The following C4orf36 variants were observed in gnomAD, a reference collection of about 807,000 sequenced individuals.
The protein encoded by C4orf36 is uncharacterized protein C4orf36.
In C4orf36, 11 loss-of-function variants were observed where a neutral mutation model predicts 12.2. The observed-to-expected ratio is 0.90, with a 90% confidence interval of 0.57 to 1.49. The LOEUF (loss-of-function observed/expected upper bound fraction) is 1.49, where lower values mean the gene tolerates loss of function less well. Among genes scored for constraint, C4orf36 ranks in the 40% most tolerant of loss-of-function variants. The pLI is 0.00. For synonymous variants in C4orf36, 54 were observed against 51.3 expected (o/e 1.05, Z -0.22); for missense variants, 137 against 133.9 (o/e 1.02, Z -0.11).
At chr4:86,884,622 G>A (rs1042932417) in intron 4 of C4orf36, among the ~76,000 whole-genome samples, 2 of 151,890 alleles carry the variant, frequency 1.3e-5, no homozygotes, top group African/African-American at 4.8e-5. Context: ...TTTTTTTTAG[G>A]AGAACAAAAA....
intron 2 of C4orf36, 134 bp downstream of exon 2, chr4:86,891,318 ATCCC>A: frequency 1.6e-6 from 1 of 607,876 alleles, no homozygotes; most frequent in Non-Finnish European, 2.6e-6. Context: ...AAAAAATCAG[ATCCC>A]AGACACCTCA....
At chr4:86,918,731 T>G in the C4orf36 span, among the ~76,000 whole-genome samples, 1 of 152,166 alleles carries the variant, frequency 6.6e-6, no homozygotes, top group Admixed American at 6.6e-5. Flanking sequence ...GGGGATTTCC[T>G]GGGACATCTC....
chr4:86,924,607 T>C, the C4orf36 span: 1 of 152,474 alleles, frequency 6.6e-6, no homozygotes, highest in African/African-American at 2.4e-5. Flanking sequence ...CTTCCCAAAG[T>C]GCTGGCATTA....
chr4:86,913,713 G>C, the C4orf36 span: 2 of 1,600,466 alleles, frequency 1.2e-6, no homozygotes, highest in Admixed American at 3.3e-5. Flanking sequence ...CCCACTGGCA[G>C]AGAAGCTGAC....
chr4:86,887,144 A>T (rs1393138359), intron 4 of C4orf36: 1 of 152,196 alleles, frequency 6.6e-6, no homozygotes, highest in Non-Finnish European at 1.5e-5. Flanking sequence ...GGATAGCATT[A>T]GGAGATATAC....
At chr4:86,899,605 C>T in the C4orf36 span, among the ~76,000 whole-genome samples, 1 of 152,164 alleles carries the variant, frequency 6.6e-6, no homozygotes, top group South Asian at 2.1e-4. Context: ...GGACAGATTG[C>T]TGAAGTCCAG....
rs1279033984 is a variant in C4orf36 at position 86,876,300 on chromosome 4, G to A, written c.*146C>T. On this transcript the variant is annotated 3_prime_UTR_variant, in exon 5 of 5. Coordinates refer to ENST00000295898, the MANE Select transcript of C4orf36 (RefSeq NM_144645.4). The stretch of plus-strand genomic sequence containing the variant: ...GATTTTCTCGGTCTCTGGGCGGGCC[G>A]TGGGAGGCTTCCTGAGGTGGGGGCC... 2 of 1,301,576 alleles carry A rather than the reference G, an allele frequency of 1.5e-6. No individual in the cohort carries two copies. Among genetic ancestry groups the A allele is most frequent in the African/African-American group, 1.5e-5 (1 of 66,984 alleles). 80.6% of individuals were successfully genotyped at this position (1,301,576 alleles called of 1,614,324 possible). A position where few individuals can be genotyped will look rare whatever the true frequency, so the allele number is the denominator to read the frequency against.
chr4:86,919,730 TTTC>T, the C4orf36 span, among the ~76,000 whole-genome samples: 1 of 152,164 alleles, frequency 6.6e-6, no homozygotes, highest in Non-Finnish European at 1.5e-5. Context: ...TAAAAATATT[TTTC>T]TTAGAAATTT....
At chr4:86,892,982 T>G (rs1313281607), upstream of C4orf36, among the ~76,000 whole-genome samples, 2 of 152,194 alleles carry the variant, frequency 1.3e-5, no homozygotes, top group African/African-American at 2.4e-5. Context: ...CTCTGCCACT[T>G]AAGATTTAAC....
the C4orf36 span, among the ~76,000 whole-genome samples, chr4:86,920,833 T>C: frequency 1.3e-5 from 2 of 152,120 alleles, no homozygotes. Flanking sequence ...GTATTGGGGA[T>C]TAAGTTTCCA....
chr4:86,880,189 A>G (rs965992102), intron 4 of C4orf36, among the ~76,000 whole-genome samples: 1 of 152,164 alleles, frequency 6.6e-6, no homozygotes, highest in African/African-American at 2.4e-5. Flanking sequence ...CCTGCAGGCC[A>G]GGGCAAAGTG....
chr4:86,888,334 G>A lies in C4orf36; in HGVS notation c.66-59C>T, dbSNP rs1304524343. Reference sequence around the variant, plus strand: ...TATTGATTAAGCACCTACTATGTGAGATGTAGAAGACATTAATTCTCAGTT... The same window carrying A: ...TATTGATTAAGCACCTACTATGTGAAATGTAGAAGACATTAATTCTCAGTT... On this transcript the variant is annotated intron_variant, in intron 2 of 4. Coordinates refer to ENST00000295898, the MANE Select transcript of C4orf36 (RefSeq NM_144645.4). The A allele has an allele frequency of 4.0e-6, 6 of 1,497,244 alleles. No homozygotes were observed. In the South Asian group the frequency reaches 7.3e-5, roughly 18 times the overall value. The allele number at this position is 1,497,244 out of a possible 1,614,324, so 92.7% of individuals were successfully genotyped here.
the C4orf36 span, among the ~76,000 whole-genome samples, chr4:86,931,049 G>T: frequency 6.6e-6 from 1 of 152,164 alleles, no homozygotes. Context: ...CTTTCATGTG[G>T]CAGTCTCAGT....
the C4orf36 span, among the ~76,000 whole-genome samples, chr4:86,911,233 C>G: frequency 6.6e-6 from 1 of 152,150 alleles, no homozygotes; most frequent in Admixed American, 6.6e-5. Context: ...TAAGCACTGT[C>G]CGGGATGGAG....
At chr4:86,933,568 A>G in the C4orf36 span, 1 of 152,256 alleles carries the variant, frequency 6.6e-6, no homozygotes, top group Non-Finnish European at 1.5e-5. Flanking sequence ...AAAAGAACAC[A>G]AAAAAGGAAA....
rs1198730859 is a variant in C4orf36, at chr4:86,876,458, G to A, written c.*3-15C>T. 3.7e-6 allele frequency: 6 copies of A among 1,613,362 alleles called. No individual in the cohort carries two copies. Among genetic ancestry groups the A allele is most frequent in the Non-Finnish European group, 5.1e-6 (6 of 1,179,480 alleles). The stretch of plus-strand genomic sequence containing the variant: ...CGCGCTTCAGGCTGCGCAAAGGAGA[G>A]GGGGAAAATAAGATTTTATTTTATC... On this transcript the variant is annotated splice_polypyrimidine_tract_variant and intron_variant, in intron 4 of 4. Transcript: ENST00000295898.
At chr4:86,926,992 G>A in the C4orf36 span, among the ~76,000 whole-genome samples, 2 of 152,154 alleles carry the variant, frequency 1.3e-5, no homozygotes, top group African/African-American at 4.8e-5. Context: ...ACTGCCTATG[G>A]CTGCCTTTGT....
chr4:86,876,390 A>C lies in C4orf36; in HGVS notation c.*56T>G, dbSNP rs1746928572. On this transcript the variant is annotated 3_prime_UTR_variant, in exon 5 of 5. Transcript: ENST00000295898. Reference sequence around the variant, plus strand: ...GAGCGGGTCCTGGGCGGCCCAGGAGAAGCAGTTCCCGCCGGCGCTGCTGAG... The same window carrying C: ...GAGCGGGTCCTGGGCGGCCCAGGAGCAGCAGTTCCCGCCGGCGCTGCTGAG... The C allele has an allele frequency of 1.2e-6, 2 of 1,608,468 alleles. No homozygotes were observed. The highest frequency in any genetic ancestry group is 1.7e-6 in the Non-Finnish European group (2 of 1,177,790).
At chr4:86,930,875 C>A in the C4orf36 span, among the ~76,000 whole-genome samples, 1 of 152,172 alleles carries the variant, frequency 6.6e-6, no homozygotes, top group South Asian at 2.1e-4. Flanking sequence ...AATAATTGTG[C>A]ACCTGGTTCT....
Sources: allele counts gnomAD v4.1 joint callset (sites outside exome capture counted in the v4.1 genomes callset), GRCh38; gene constraint gnomAD v4.1.1; transcripts MANE v1.5; gene names NCBI Gene and HGNC (gene_info 2026-07-23, HGNC 2026-07-21).